The following ZNF138 variants were observed in gnomAD, a reference collection of about 807,000 sequenced individuals.
ZNF138 encodes the protein zinc finger protein 138.
In ZNF138, 33 loss-of-function variants were observed where a neutral mutation model predicts 33.0. The observed-to-expected ratio is 1.00, with a 90% confidence interval of 0.76 to 1.34. The LOEUF (loss-of-function observed/expected upper bound fraction) is 1.34. Among genes scored for constraint, ZNF138 ranks in the 40% most tolerant of loss-of-function variants. ZNF138 has a pLI of 0.00. For missense variants in ZNF138, 360 were observed against 370.8 expected (o/e 0.97, Z 0.24); for synonymous variants, 139 against 120.4 (o/e 1.15, Z -1.01).
chr7:64,860,053 C>T, the ZNF138 span, among the ~76,000 whole-genome samples: 1 of 152,148 alleles, frequency 6.6e-6, no homozygotes, highest in Non-Finnish European at 1.5e-5. Flanking sequence ...AGGGGAATTG[C>T]TTGAACTCGG....
Position 64,814,092 on chromosome 7 carries a change from A to G in ZNF138, c.4-826A>G, listed in dbSNP as rs576340915. 201 of 1,227,976 alleles carry G rather than the reference A, an allele frequency of 1.6e-4. 1 individual carries two copies. The African/African-American group carries it at 2.8e-3, about 17-fold the overall frequency. The allele number at this position is 1,227,976 out of a possible 1,614,324, so 76.1% of individuals were successfully genotyped here. A position where few individuals can be genotyped will look rare whatever the true frequency, so the allele number is the denominator to read the frequency against. ...AACTGGGAAAATCACAGGCTCTTCC[A>G]CTTACTGGATATTTAACAAGATATT... On this transcript the variant is annotated intron_variant, in intron 1 of 3. Transcript: ENST00000307355.
intron 1 of ZNF138, among the ~76,000 whole-genome samples, chr7:64,803,619 A>AT (rs1211394254): frequency 6.6e-6 from 1 of 152,196 alleles, no homozygotes; most frequent in Non-Finnish European, 1.5e-5. Context: ...ATTAAGCAGT[A>AT]TTTTATACAG....
the ZNF138 span, among the ~76,000 whole-genome samples, chr7:64,849,841 G>A: frequency 6.6e-6 from 1 of 152,028 alleles, no homozygotes; most frequent in East Asian, 1.9e-4. Flanking sequence ...CAGGCAGTGA[G>A]GGAACAGAGC....
chr7:64,814,532 C>T (rs539650598), intron 1 of ZNF138, among the ~76,000 whole-genome samples: 7 of 152,142 alleles, frequency 4.6e-5, no homozygotes, highest in Admixed American at 1.3e-4. Flanking sequence ...TTTGGGAGGC[C>T]GAGGAGGGTG....
intron 1 of ZNF138, among the ~76,000 whole-genome samples, chr7:64,801,926 G>C (rs1290509747): frequency 6.6e-6 from 1 of 152,162 alleles, no homozygotes; most frequent in Admixed American, 6.5e-5. Flanking sequence ...TCCTCTTTTG[G>C]CTCTGTTGAC....
the ZNF138 span, among the ~76,000 whole-genome samples, chr7:64,847,336 T>A: frequency 0.36 from 31,880 of 89,760 alleles, 3,962 homozygotes; most frequent in Non-Finnish European, 0.41. Context: ...ATATATATTT[T>A]TTTTTTTTTT....
At chr7:64,815,795 A>T (rs577989699) in intron 3 of ZNF138, 142 bp downstream of exon 3, 1 of 688,122 alleles carries the variant, frequency 1.5e-6, no homozygotes, top group South Asian at 2.0e-5. Context: ...TTGCTCTTAC[A>T]TAAGACATCT....
chr7:64,837,299 G>A (rs554916410), downstream of ZNF138, among the ~76,000 whole-genome samples: 12 of 152,214 alleles, frequency 7.9e-5, 1 homozygote, highest in South Asian at 2.3e-3. Flanking sequence ...TTCCACGGGG[G>A]GAGAGACCTC....
Position 64,832,438 on chromosome 7 carries a change from C to A in ZNF138, c.*236C>A. The A allele has an allele frequency of 6.9e-7, 1 of 1,449,914 alleles. No individual in the cohort carries two copies. Among genetic ancestry groups the A allele is most frequent in the Non-Finnish European group, 9.1e-7 (1 of 1,093,978 alleles). 89.8% of individuals were successfully genotyped at this position (1,449,914 alleles called of 1,614,324 possible). A position where few individuals can be genotyped will look rare whatever the true frequency, so the allele number is the denominator to read the frequency against. ...TACAAATGTAAAGAATGTGGAAAAG[C>A]TTTTCACCGATACTCAATCCTTAGT... On this transcript the variant is annotated 3_prime_UTR_variant, in exon 4 of 4. Transcript: ENST00000307355.
the ZNF138 span, among the ~76,000 whole-genome samples, chr7:64,839,312 G>A: frequency 1.3e-5 from 2 of 152,290 alleles, no homozygotes; most frequent in Middle Eastern, 3.4e-3. Flanking sequence ...ACCCTAAGGG[G>A]GTGTTTTGCG....
intron 3 of ZNF138, among the ~76,000 whole-genome samples, chr7:64,827,252 T>C (rs1490001569): frequency 1.0e-4 from 2 of 19,534 alleles, no homozygotes; most frequent in Non-Finnish European, 1.7e-4. Context: ...ACCATGAAAC[T>C]TTTTTTTTTT....
chr7:64,813,816 T>C (rs923700863), intron 1 of ZNF138, among the ~76,000 whole-genome samples: 6 of 152,184 alleles, frequency 3.9e-5, no homozygotes, highest in African/African-American at 1.4e-4. Context: ...TGTTTTTCTG[T>C]GTGCATCAAC....
At chr7:64,797,993 T>G (rs2128983164) in intron 1 of ZNF138, among the ~76,000 whole-genome samples, 1 of 152,250 alleles carries the variant, frequency 6.6e-6, no homozygotes, top group South Asian at 2.1e-4. Context: ...CAGGCTGGAG[T>G]GCAGTGGCTG....
At chr7:64,794,649 C>T in intron 1 of ZNF138, 78 bp downstream of exon 1, 2 of 1,600,536 alleles carry the variant, frequency 1.2e-6, no homozygotes, top group South Asian at 2.2e-5. Context: ...TGTGGCAGTA[C>T]TCGGGTCTTC....
intron 2 of ZNF138, among the ~76,000 whole-genome samples, chr7:64,815,245 T>C (rs911628017): frequency 2.0e-5 from 3 of 152,088 alleles, no homozygotes; most frequent in African/African-American, 7.2e-5. Context: ...TTTCCACATT[T>C]CTGAGCTGAT....
intron 3 of ZNF138, among the ~76,000 whole-genome samples, chr7:64,826,373 G>A (rs540436141): frequency 4.6e-5 from 7 of 152,030 alleles, no homozygotes; most frequent in East Asian, 3.9e-4. Context: ...TCTGCCTCCC[G>A]GGTTCAAGCG....
chr7:64,838,224 T>C (rs1266087824), downstream of ZNF138, among the ~76,000 whole-genome samples: 3 of 152,144 alleles, frequency 2.0e-5, no homozygotes, highest in Non-Finnish European at 4.4e-5. Flanking sequence ...GGGGTCGCCA[T>C]GTGGAGACAC....
chr7:64,821,040 T>TTTG (rs772947938), intron 3 of ZNF138, among the ~76,000 whole-genome samples: 7,352 of 86,608 alleles, frequency 0.085, 303 homozygotes, highest in East Asian at 0.22. Context: ...TGATTGTTTT[T>TTTG]TTTTGTTTTG....
intron 1 of ZNF138, among the ~76,000 whole-genome samples, chr7:64,813,435 G>GTTTTTTTTTTTTTT (rs1562902433): frequency 7.7e-6 from 1 of 130,284 alleles, no homozygotes. Context: ...GCATAAAAAT[G>GTTTTTTTTTTTTTT]ATTTTTTTTT....
Sources: gnomAD v4.1 joint callset for allele counts (sites outside exome capture counted in the v4.1 genomes callset) on GRCh38, gnomAD v4.1.1 for gene constraint, MANE v1.5 for transcripts, NCBI Gene and HGNC (gene_info 2026-07-23, HGNC 2026-07-21) for gene names.